POC1B: variants seen among roughly 807,000 people sequenced by gnomAD.
The protein encoded by POC1B is POC1 centriolar protein homolog B.
Under a neutral mutation model 60.6 loss-of-function variants are expected in POC1B, and 44 were observed. The ratio of observed to expected loss-of-function variants is 0.73; its 90% confidence interval spans 0.57 to 0.93. POC1B has a LOEUF of 0.93. POC1B is among the 40% of genes least tolerant of loss of function. The pLI is 0.00. For synonymous variants in POC1B, 180 were observed against 198.9 expected (o/e 0.90, Z 0.80); for missense variants, 555 against 572.3 (o/e 0.97, Z 0.31).
chr12:89,448,235 T>G (rs1239146489), intron 10 of POC1B, among the ~76,000 whole-genome samples: 2 of 150,816 alleles, frequency 1.3e-5, no homozygotes, highest in Admixed American at 6.6e-5. Context: ...AACTCAGGAG[T>G]TCAAGACAAA....
At chr12:89,520,467 G>A (rs1870756444) in intron 2 of POC1B, 1 of 152,044 alleles carries the variant, frequency 6.6e-6, no homozygotes, top group Non-Finnish European at 1.5e-5. Context: ...AGAAGTGGGT[G>A]GGTTTAGGAG....
intron 4 of POC1B, among the ~76,000 whole-genome samples, chr12:89,486,726 A>C (rs1868649621): frequency 6.6e-6 from 1 of 152,178 alleles, no homozygotes; most frequent in African/African-American, 2.4e-5. Flanking sequence ...AATGGTGCTA[A>C]AACTACAGCA....
intron 10 of POC1B, among the ~76,000 whole-genome samples, chr12:89,454,889 A>T (rs1162074541): frequency 6.6e-6 from 1 of 152,210 alleles, no homozygotes; most frequent in Admixed American, 6.5e-5. Flanking sequence ...ATACTTATTC[A>T]GAGACATGTA....
At chr12:89,501,899 G>A in intron 2 of POC1B, 1 of 1,152,132 alleles carries the variant, frequency 8.7e-7, no homozygotes, top group Non-Finnish European at 1.3e-6. Flanking sequence ...AATGCTAAAG[G>A]TTCTGGAGGT....
the POC1B span, among the ~76,000 whole-genome samples, chr12:89,412,187 G>A: frequency 3.9e-5 from 6 of 152,256 alleles, no homozygotes; most frequent in Middle Eastern, 3.4e-3. Context: ...TTCCCCCTCC[G>A]TATCTGGCAT....
chr12:89,431,159 G>T (rs1370528212), intron 10 of POC1B, among the ~76,000 whole-genome samples: 1 of 151,928 alleles, frequency 6.6e-6, no homozygotes, highest in Non-Finnish European at 1.5e-5. Context: ...TTGAACTTTA[G>T]ATATACATTC....
At position 89,522,084 on chromosome 12, in the gene POC1B, G is replaced by A. The variant is rs190539521; in HGVS notation, c.100+3036C>T. The A allele has an allele frequency of 6.5e-4, 261 of 398,978 alleles. 1 individual carries two copies. The highest frequency in any genetic ancestry group is 4.8e-3 in the African/African-American group (235 of 48,740). The allele number at this position is 398,978 out of a possible 1,614,324, so 24.7% of individuals were successfully genotyped here. A position where few individuals can be genotyped will look rare whatever the true frequency, so the allele number is the denominator to read the frequency against. Reference sequence around the variant, plus strand: ...CACAAACACGTTCACAGAGAAGACAGCTTACAAAATCAGAGGAATCTGAGG... The same window carrying A: ...CACAAACACGTTCACAGAGAAGACAACTTACAAAATCAGAGGAATCTGAGG... On this transcript the variant is annotated intron_variant, in intron 2 of 11. Transcript: ENST00000313546.
At chr12:89,432,189 G>A (rs1050684943) in intron 10 of POC1B, among the ~76,000 whole-genome samples, 7 of 151,816 alleles carry the variant, frequency 4.6e-5, no homozygotes, top group Admixed American at 6.6e-5. Flanking sequence ...TTTGAGACCA[G>A]CCTGGGCAAC....
In POC1B at chr12:89,477,424, C is replaced by G. The variant is rs1280621048; in HGVS notation, c.453-5149G>C. ...CAGAATTCCTTCCTGGAATCTCCACCCATGAGTACAACTGCTTGCTGGGCA... is the reference window on the plus strand; with the variant it reads ...CAGAATTCCTTCCTGGAATCTCCACGCATGAGTACAACTGCTTGCTGGGCA... On this transcript the variant is annotated intron_variant, in intron 4 of 11. Transcript: ENST00000313546. Among the ~76,000 whole-genome samples, 4 of 152,088 alleles carry G rather than the reference C, an allele frequency of 2.6e-5. No individual in the cohort carries two copies. The East Asian group carries it at 7.7e-4, about 29-fold the overall frequency.
chr12:89,501,309 G>C, intron 2 of POC1B: 1 of 1,005,540 alleles, frequency 9.9e-7, no homozygotes. Flanking sequence ...AATATGAAAT[G>C]TATTCCAAGA....
intron 7 of POC1B, among the ~76,000 whole-genome samples, chr12:89,470,078 G>A (rs1331006018): frequency 6.6e-6 from 1 of 151,930 alleles, no homozygotes; most frequent in Non-Finnish European, 1.5e-5. Flanking sequence ...CATCATGTTG[G>A]CCAAGATGGT....
intron 2 of POC1B, chr12:89,522,903 A>C: frequency 1.2e-6 from 2 of 1,614,018 alleles, no homozygotes; most frequent in Non-Finnish European, 1.7e-6. Flanking sequence ...TCCGATAAGC[A>C]CTAAGACACA....
At chr12:89,415,209 A>T (rs900000498), downstream of POC1B, among the ~76,000 whole-genome samples, 2 of 152,236 alleles carry the variant, frequency 1.3e-5, no homozygotes, top group African/African-American at 2.4e-5. Flanking sequence ...TTAAATTTTT[A>T]AAAATGCAAC....
At position 89,525,141 on chromosome 12, in the gene POC1B, T is replaced by C. The variant is rs1796276068; in HGVS notation, c.79A>G (p.Ser27Gly). Residue 27 changes from serine (S) to glycine (G), a missense_variant, in exon 2 of 12, where the codon AGC becomes GGC. Coordinates refer to ENST00000313546, the MANE Select transcript of POC1B (RefSeq NM_172240.3). ...TTACCAAGTTGCTTGCCGTTGGGGC[T>C]GAGGTCCAAGGAGGTGATCGCAGCT... ...HKAAITSLDLSPNGKQLATAS... is the reference protein window; with the variant it reads ...HKAAITSLDLGPNGKQLATAS... 1.9e-6 allele frequency: 3 copies of C among 1,614,074 alleles called. No individual in the cohort carries two copies. The highest frequency in any genetic ancestry group is 1.7e-6 in the Non-Finnish European group (2 of 1,179,930).
chr12:89,465,707 T>C (rs1037252691), intron 9 of POC1B, among the ~76,000 whole-genome samples: 5 of 152,180 alleles, frequency 3.3e-5, no homozygotes, highest in East Asian at 1.9e-4. Context: ...ATTAATACTT[T>C]AGAAGAACTG....
At chr12:89,404,825 T>C in the POC1B span, among the ~76,000 whole-genome samples, 1 of 152,204 alleles carries the variant, frequency 6.6e-6, no homozygotes, top group Non-Finnish European at 1.5e-5. Context: ...TAATAGTTCT[T>C]ACCTTCTCTA....
chr12:89,451,999 G>A (rs1882061969), intron 10 of POC1B, among the ~76,000 whole-genome samples: 1 of 152,136 alleles, frequency 6.6e-6, no homozygotes. Flanking sequence ...CACTTTTCAG[G>A]GAGCTACGGT....
rs60679774 is a variant in POC1B at position 89,514,402 on chromosome 12, C to CTTTTTTTTTTTTT, written c.100+10705_100+10717dup. 3.2e-3 allele frequency among the ~76,000 whole-genome samples: 215 copies of CTTTTTTTTTTTTT among 67,082 alleles called. 35 individuals are homozygous for CTTTTTTTTTTTTT. Among genetic ancestry groups the CTTTTTTTTTTTTT allele is most frequent in the African/African-American group, 4.2e-3 (70 of 16,568 alleles). 44.0% of individuals were successfully genotyped at this position (67,082 alleles called of 152,430 possible). ...ATAAGTTACTCAGTTTCATGTATTT[C>CTTTTTTTTTTTTT]TTTTTTTTTTTTTTTTTTTTTTTTT... On this transcript the variant is annotated intron_variant, in intron 2 of 11. Transcript: ENST00000313546.
intron 4 of POC1B, among the ~76,000 whole-genome samples, chr12:89,480,822 G>A (rs367823230): frequency 5.3e-5 from 8 of 152,048 alleles, no homozygotes; most frequent in East Asian, 3.9e-4. Context: ...GGATGGTCTC[G>A]ATCTCCTGAC....
Sources: gnomAD v4.1 joint callset for allele counts (sites outside exome capture counted in the v4.1 genomes callset) on GRCh38, gnomAD v4.1.1 for gene constraint, MANE v1.5 for transcripts, NCBI Gene and HGNC (gene_info 2026-07-23, HGNC 2026-07-21) for gene names.